The following DLG2 variants were observed in gnomAD, a reference collection of about 807,000 sequenced individuals.
DLG2 encodes discs large MAGUK scaffold protein 2.
DLG2 carries 45 observed loss-of-function variants against 132.5 expected under a neutral mutation model. The ratio of observed to expected loss-of-function variants is 0.34; its 90% CI spans 0.27 to 0.44. The LOEUF (loss-of-function observed/expected upper bound fraction) is 0.44. Ranked by LOEUF, DLG2 falls within the 20% of genes least tolerant of loss-of-function variation. DLG2 has a pLI of 1.00. For synonymous variants in DLG2, 424 were observed against 419.6 expected (o/e 1.01, Z -0.13); for missense variants, 1,045 against 1,196.9 (o/e 0.87, Z 1.87).
chr11:85,401,698 G>C (rs2088131236), intron 3 of DLG2, among the ~76,000 whole-genome samples: 1 of 152,036 alleles, frequency 6.6e-6, no homozygotes, highest in South Asian at 2.1e-4. Context: ...ACTAATAATA[G>C]ACAAACAGAG....
rs572929143 is a variant in DLG2 at position 83,977,854 on chromosome 11, A to G, written c.1056+2652T>C. Among the ~76,000 whole-genome samples the G allele has an allele frequency of 2.6e-5, 4 of 152,164 alleles. No individual in the cohort carries two copies. In the South Asian group the frequency reaches 6.2e-4, roughly 24 times the overall value. On this transcript the variant is annotated intron_variant, in intron 12 of 27. Coordinates refer to ENST00000376104, the MANE Select transcript of DLG2 (RefSeq NM_001142699.3). ...CCATCACATTCTACTTTTAATACAT[A>G]CTTCATCTCTTTCACCTAGTGCACT...
At chr11:83,735,493 A>G (rs1288781271) in intron 18 of DLG2, among the ~76,000 whole-genome samples, 2 of 152,170 alleles carry the variant, frequency 1.3e-5, no homozygotes, top group African/African-American at 4.8e-5. Context: ...TTAATGATAA[A>G]TTTAATTTAG....
intron 6 of DLG2, among the ~76,000 whole-genome samples, chr11:84,837,895 T>C (rs943988329): frequency 6.6e-6 from 1 of 151,704 alleles, no homozygotes; most frequent in Non-Finnish European, 1.5e-5. Context: ...ACCTGGGAGC[T>C]TGTAAGAAAT....
At chr11:83,634,598 C>T (rs1413249948) in intron 18 of DLG2, among the ~76,000 whole-genome samples, 1 of 152,062 alleles carries the variant, frequency 6.6e-6, no homozygotes, top group Non-Finnish European at 1.5e-5. Context: ...ATTTTCAATT[C>T]AATTTATTCA....
At chr11:83,798,385 C>T (rs950330896) in intron 17 of DLG2, among the ~76,000 whole-genome samples, 13 of 152,276 alleles carry the variant, frequency 8.5e-5, no homozygotes, top group African/African-American at 2.9e-4. Context: ...TAGGTACTTA[C>T]TAAATAGTTG....
intron 6 of DLG2, among the ~76,000 whole-genome samples, chr11:84,999,178 T>C (rs978788731): frequency 4.6e-5 from 7 of 152,040 alleles, no homozygotes; most frequent in African/African-American, 1.7e-4. Context: ...CATTATGTAA[T>C]AGAAACATGT....
chr11:85,111,443 C>T (rs2072720488), intron 6 of DLG2, among the ~76,000 whole-genome samples: 1 of 152,072 alleles, frequency 6.6e-6, no homozygotes, highest in Admixed American at 6.6e-5. Context: ...TAAAGCAATC[C>T]TTTCCAAGTT....
intron 4 of DLG2, among the ~76,000 whole-genome samples, chr11:85,176,306 A>G (rs1345093391): frequency 6.6e-6 from 1 of 152,104 alleles, no homozygotes; most frequent in Non-Finnish European, 1.5e-5. Context: ...CAGAAATAAG[A>G]CGGCACATCT....
chr11:84,439,019 T>C (rs1442951101), intron 7 of DLG2, among the ~76,000 whole-genome samples: 1 of 152,172 alleles, frequency 6.6e-6, no homozygotes, highest in Non-Finnish European at 1.5e-5. Context: ...GGATGTTGAA[T>C]ACCCTCATAG....
chr11:83,724,925 T>G, intron 18 of DLG2: 1 of 702,398 alleles, frequency 1.4e-6, no homozygotes, highest in East Asian at 2.7e-5. Context: ...TCAGCTCTGT[T>G]CCCTCCTCCT....
At chr11:84,087,803 T>TC (rs2097015634) in intron 10 of DLG2, among the ~76,000 whole-genome samples, 1 of 152,210 alleles carries the variant, frequency 6.6e-6, no homozygotes, top group African/African-American at 2.4e-5. Flanking sequence ...CCATATAGTC[T>TC]CTGGGGTTCC....
chr11:83,466,753 T>C lies in DLG2; in HGVS notation c.2684A>G (p.Tyr895Cys). 6.2e-7 allele frequency: 1 copy of C among 1,613,818 alleles called. No homozygotes were observed. The highest frequency in any genetic ancestry group is 8.5e-7 in the Non-Finnish European group (1 of 1,179,770). The change falls in exon 26 of 28, where the codon TAT becomes TGT. Residue 895 changes from tyrosine to cysteine, a missense_variant. By Grantham distance (194) the Tyr-to-Cys change is radical (BLOSUM62 -2). This residue lies in a region of DLG2 where 398 missense variants were observed against 543.6 expected (regional missense o/e 0.73). Coordinates refer to ENST00000376104, the MANE Select transcript of DLG2 (RefSeq NM_001142699.3). ...AIKRLQVAQL[Y>C]PIAIFIKPRS... is the part of the protein sequence containing the mutation. ...GGGTTTTATGAAGATGGCAATGGGA[T>C]AGAGCTGGGCAACTTGTAACCGCTT...
At chr11:85,420,267 C>G (rs2090185282) in intron 3 of DLG2, among the ~76,000 whole-genome samples, 1 of 152,132 alleles carries the variant, frequency 6.6e-6, no homozygotes. Context: ...GTGAAGTATG[C>G]AGAACAGCAA....
At chr11:84,268,579 A>T (rs1299791124) in intron 7 of DLG2, among the ~76,000 whole-genome samples, 2 of 149,812 alleles carry the variant, frequency 1.3e-5, no homozygotes, top group African/African-American at 2.5e-5. Context: ...CTCCTGTCTC[A>T]GCCTCCCGAG....
intron 6 of DLG2, among the ~76,000 whole-genome samples, chr11:84,843,909 G>A (rs1453163552): frequency 6.6e-6 from 1 of 150,584 alleles, no homozygotes; most frequent in Non-Finnish European, 1.5e-5. Flanking sequence ...TATAATATTT[G>A]TATGTGTGTA....
intron 7 of DLG2, among the ~76,000 whole-genome samples, chr11:84,321,193 C>T (rs2098402517): frequency 6.6e-6 from 1 of 152,130 alleles, no homozygotes; most frequent in Non-Finnish European, 1.5e-5. Flanking sequence ...GTGTAAATAT[C>T]TTTAACATTT....
At chr11:83,543,200 G>T (rs1206791409) in intron 19 of DLG2, among the ~76,000 whole-genome samples, 1 of 152,116 alleles carries the variant, frequency 6.6e-6, no homozygotes, top group East Asian at 1.9e-4. Flanking sequence ...CTCCCGGAAT[G>T]AATCATTTTC....
chr11:85,323,982 G>C lies in DLG2; in HGVS notation c.41-38617C>G, dbSNP rs569515202. On this transcript the variant is annotated intron_variant, in intron 3 of 27. Transcript: ENST00000376104. ...ATTGTTCCCATGTAAGTGGATGGTA[G>C]TGGGCTTCCAGCAAAGATTCTCAGA... Among the ~76,000 whole-genome samples, 6 of 152,330 alleles carry C rather than the reference G, an allele frequency of 3.9e-5. No homozygotes were observed. The East Asian group carries it at 1.2e-3, about 29-fold the overall frequency.
chr11:85,577,767 C>T (rs928359402), intron 3 of DLG2, among the ~76,000 whole-genome samples: 2 of 152,102 alleles, frequency 1.3e-5, no homozygotes, highest in Non-Finnish European at 2.9e-5. Flanking sequence ...ATTCCATACT[C>T]ATGCTCATGG....
Sources: gnomAD v4.1 joint callset for allele counts (sites outside exome capture counted in the v4.1 genomes callset) on GRCh38, gnomAD v4.1.1 for gene constraint, gnomAD v4.1.1 regional missense constraint, MANE v1.5 for transcripts, NCBI Gene and HGNC (gene_info 2026-07-23, HGNC 2026-07-21) for gene names.